Variants in PTGR1 observed in about 807,000 individuals in gnomAD.
The protein encoded by PTGR1 is prostaglandin reductase 1, also known as 15-oxoprostaglandin 13-reductase.
A neutral mutation model predicts 37.7 loss-of-function variants in PTGR1; 23 were observed. That is an observed-to-expected ratio of 0.61 (90% confidence interval 0.44 to 0.86). The LOEUF is 0.86. PTGR1 is among the 40% of genes least tolerant of loss of function. The pLI is 0.00. For synonymous variants in PTGR1, 134 were observed against 140.0 expected, an observed-to-expected ratio of 0.96 and a Z score of 0.30; for missense variants, 351 against 394.3, an observed-to-expected ratio of 0.89 and a Z score of 0.93.
downstream of PTGR1, among the ~76,000 whole-genome samples, chr9:111,561,004 GAGAGA>G (rs1828280546): frequency 1.0e-5 from 1 of 99,206 alleles, no homozygotes; most frequent in Non-Finnish European, 2.0e-5. Context: ...GAGAGAGAGA[GAGAGA>G]GAGAGAGAGG....
chr9:111,576,633 GT>G, intron 7 of PTGR1: 2 of 514,238 alleles, frequency 3.9e-6, no homozygotes, highest in Non-Finnish European at 6.8e-6. Context: ...AGGATGAGTT[GT>G]TTTAAGGATT....
intron 2 of PTGR1, among the ~76,000 whole-genome samples, chr9:111,595,534 C>T (rs946468126): frequency 1.3e-5 from 2 of 152,218 alleles, no homozygotes; most frequent in African/African-American, 4.8e-5. Context: ...TCATGGCCAT[C>T]ATAGCTTAGA....
intron 6 of PTGR1, among the ~76,000 whole-genome samples, chr9:111,581,554 A>T (rs1829280847): frequency 6.6e-6 from 1 of 152,230 alleles, no homozygotes; most frequent in South Asian, 2.1e-4. Flanking sequence ...TTGGCTTTGA[A>T]TGTCTCATCT....
At chr9:111,550,167 G>A (rs1407206504) in intron 9 of PTGR1, among the ~76,000 whole-genome samples, 1 of 152,106 alleles carries the variant, frequency 6.6e-6, no homozygotes, top group Non-Finnish European at 1.5e-5. Context: ...ATTCTTTACA[G>A]AGCCTGCGTT....
chr9:111,555,565 T>C (rs1381167554), intron 9 of PTGR1, among the ~76,000 whole-genome samples: 1 of 152,186 alleles, frequency 6.6e-6, no homozygotes, highest in African/African-American at 2.4e-5. Context: ...TGACTCACAG[T>C]TCCGCAGGCT....
chr9:111,597,173 T>A, intron 2 of PTGR1, 144 bp downstream of exon 2: 1 of 651,394 alleles, frequency 1.5e-6, no homozygotes, highest in South Asian at 1.8e-5. Context: ...CCAGCTTAAC[T>A]CAGCCCAAAT....
At position 111,588,181 on chromosome 9, in the gene PTGR1, T is replaced by A. The variant is rs1470581694; in HGVS notation, c.210-2016A>T. ...AGTAGCTGGGACCACAGTAGCACAC[T>A]ACCACATCCAGCTAATTTTTTTTTT... On this transcript the variant is annotated intron_variant, in intron 4 of 9. Transcript: ENST00000407693. Among the ~76,000 whole-genome samples the A allele has an allele frequency of 2.0e-5, 3 of 148,644 alleles. No homozygotes were observed. The East Asian group carries it at 5.9e-4, about 29-fold the overall frequency.
At chr9:111,560,052 C>A (rs1335222499), downstream of PTGR1, among the ~76,000 whole-genome samples, 1 of 152,136 alleles carries the variant, frequency 6.6e-6, no homozygotes, top group African/African-American at 2.4e-5. Context: ...ACTGAATCTT[C>A]TGGCCGGGCA....
intron 4 of PTGR1, among the ~76,000 whole-genome samples, chr9:111,588,936 C>T (rs147056534): frequency 6.6e-5 from 10 of 152,248 alleles, no homozygotes; most frequent in South Asian, 2.1e-4. Flanking sequence ...TAGGAATGAG[C>T]GACTGCACCT....
rs546967026 is a variant in PTGR1 at position 111,592,889 on chromosome 9, A to G, written c.209+37T>C. 20 of 1,595,236 alleles carry G rather than the reference A, an allele frequency of 1.3e-5. 1 individual carries two copies. The South Asian group carries it at 2.2e-4, about 17-fold the overall frequency. On this transcript the variant is annotated intron_variant, in intron 4 of 9. Transcript: ENST00000407693. ...ACCCAGCAGGAGGTAAAGAGGAGAC[A>G]TATTTTCCAAGCACTGGGACAAATG...
intron 4 of PTGR1, among the ~76,000 whole-genome samples, chr9:111,591,370 C>CTTT (rs756079285): frequency 2.5e-5 from 3 of 122,062 alleles, no homozygotes; most frequent in Admixed American, 8.2e-5. Context: ...TTTTCTTTTT[C>CTTT]TTTTTTTTTT....
intron 9 of PTGR1, among the ~76,000 whole-genome samples, chr9:111,569,576 C>T (rs1050067524): frequency 1.3e-5 from 2 of 152,052 alleles, no homozygotes; most frequent in Admixed American, 1.3e-4. Flanking sequence ...CCAGCCTGGC[C>T]AACATGACGA....
intron 9 of PTGR1, among the ~76,000 whole-genome samples, chr9:111,569,548 C>T (rs577931360): frequency 4.2e-4 from 64 of 152,196 alleles, no homozygotes; most frequent in African/African-American, 1.5e-3. Context: ...GAGACTGAGG[C>T]GGGCGCATCA....
downstream of PTGR1, among the ~76,000 whole-genome samples, chr9:111,560,944 AATATAT>A (rs746101013): frequency 0.027 from 845 of 31,124 alleles, 57 homozygotes; most frequent in Non-Finnish European, 0.032. Context: ...CTCCATCTAA[AATATAT>A]ATATATATAT....
downstream of PTGR1, among the ~76,000 whole-genome samples, chr9:111,561,135 AGAG>A (rs1268561680): frequency 4.6e-4 from 25 of 54,648 alleles, no homozygotes; most frequent in South Asian, 1.3e-3. Context: ...AGAGAGAGAG[AGAG>A]GAGAGAGAGG....
At chr9:111,564,647 T>C (rs10980947) in intron 9 of PTGR1, among the ~76,000 whole-genome samples, 31,676 of 151,812 alleles carry the variant, frequency 0.21, 4,149 homozygotes, top group East Asian at 0.39. Flanking sequence ...CTCATTCTTA[T>C]TCTTGAAGAA....
chr9:111,593,548 C>T (rs1829684552), intron 3 of PTGR1, among the ~76,000 whole-genome samples: 1 of 152,152 alleles, frequency 6.6e-6, no homozygotes, highest in South Asian at 2.1e-4. Context: ...TTGAGTCAAC[C>T]ACAGATTCAC....
At chr9:111,569,332 C>A (rs1395528413) in intron 9 of PTGR1, among the ~76,000 whole-genome samples, 2 of 152,064 alleles carry the variant, frequency 1.3e-5, no homozygotes, top group Admixed American at 6.6e-5. Context: ...TGAGGAGGAC[C>A]AATCAGTGAG....
intron 9 of PTGR1, among the ~76,000 whole-genome samples, chr9:111,556,926 A>G (rs2132297846): frequency 6.6e-6 from 1 of 152,302 alleles, no homozygotes; most frequent in South Asian, 2.1e-4. Flanking sequence ...CTGGAGCTGG[A>G]GTGGCCACAA....
Sources: gnomAD v4.1 joint callset for allele counts (sites outside exome capture counted in the v4.1 genomes callset) on GRCh38, gnomAD v4.1.1 for gene constraint, MANE v1.5 for transcripts, NCBI Gene and HGNC (gene_info 2026-07-23, HGNC 2026-07-21) for gene names.